The following PTPRT variants were observed in gnomAD, a reference collection of about 807,000 sequenced individuals.
PTPRT encodes the protein receptor-type tyrosine-protein phosphatase T.
In PTPRT, 56 loss-of-function variants were observed where a neutral mutation model predicts 176.8. That is an observed-to-expected ratio of 0.32 (90% CI 0.26 to 0.40). The LOEUF is 0.40. PTPRT is among the 10% of genes least tolerant of loss of function. The pLI is 1.00. For synonymous variants in PTPRT, 783 were observed against 739.0 expected (o/e 1.06, Z -0.96); for missense variants, 1,540 against 1,908.2 (o/e 0.81, Z 3.60).
chr20:42,744,166 C>A (rs2076656080), intron 6 of PTPRT, among the ~76,000 whole-genome samples: 1 of 152,224 alleles, frequency 6.6e-6, no homozygotes, highest in African/African-American at 2.4e-5. Flanking sequence ...ACTCCTAGTG[C>A]AAGACCTACC....
intron 1 of PTPRT, among the ~76,000 whole-genome samples, chr20:43,043,497 T>C (rs1419012021): frequency 1.3e-5 from 2 of 152,208 alleles, no homozygotes; most frequent in Non-Finnish European, 2.9e-5. Flanking sequence ...TCATAATCTT[T>C]GAGGAAGATT....
At chr20:42,071,002 G>A (rs182373266), downstream of PTPRT, among the ~76,000 whole-genome samples, 1 of 152,070 alleles carries the variant, frequency 6.6e-6, no homozygotes, top group Non-Finnish European at 1.5e-5. Flanking sequence ...CATGACCAAG[G>A]ACAAAGTGAC....
At chr20:42,216,180 C>G (rs1260020009) in intron 15 of PTPRT, among the ~76,000 whole-genome samples, 1 of 152,198 alleles carries the variant, frequency 6.6e-6, no homozygotes, top group East Asian at 1.9e-4. Flanking sequence ...CTCCCTCTCA[C>G]CAGCTCACAA....
intron 19 of PTPRT, among the ~76,000 whole-genome samples, chr20:42,126,990 T>C (rs781226342): frequency 9.9e-5 from 15 of 152,158 alleles, no homozygotes; most frequent in African/African-American, 7.2e-5. Flanking sequence ...AGTAGGCCCT[T>C]TGTTAATTAG....
At chr20:42,988,153 G>C (rs1983705763) in intron 1 of PTPRT, among the ~76,000 whole-genome samples, 1 of 152,192 alleles carries the variant, frequency 6.6e-6, no homozygotes, top group South Asian at 2.1e-4. Flanking sequence ...GCCACTGAAG[G>C]CTGTGTGTCC....
At chr20:42,300,329 G>A (rs1041158085) in intron 12 of PTPRT, among the ~76,000 whole-genome samples, 3 of 148,768 alleles carry the variant, frequency 2.0e-5, no homozygotes, top group Non-Finnish European at 4.4e-5. Context: ...CATAGACAAA[G>A]AGCCTAGAAT....
In PTPRT at chr20:42,787,284, C is replaced by T. The variant is rs532211602; in HGVS notation, c.486+3911G>A. Among the ~76,000 whole-genome samples, 6 of 152,204 alleles carry T rather than the reference C, an allele frequency of 3.9e-5. No homozygotes were observed. The South Asian group carries it at 1.0e-3, about 26-fold the overall frequency. On this transcript the variant is annotated intron_variant, in intron 3 of 30. Transcript: ENST00000373187. ...ATGAAATGGATGCTCTTAATTTCAC[C>T]AGGATAATGGGAGTAAACCAGGGTT...
At chr20:43,029,947 A>C (rs1348924659) in intron 1 of PTPRT, among the ~76,000 whole-genome samples, 1 of 152,250 alleles carries the variant, frequency 6.6e-6, no homozygotes, top group African/African-American at 2.4e-5. Flanking sequence ...AGGCCATGTA[A>C]GGTATGGCCA....
Position 42,907,882 on chromosome 20 carries a change from A to T in PTPRT, c.89-21950T>A, listed in dbSNP as rs80198877. On this transcript the variant is annotated intron_variant, in intron 1 of 30. Transcript: ENST00000373187. Reference sequence around the variant, plus strand: ...AAAATGATTTTCCAGGTGCCCCAAAACAGCCCACCAAACAGAAATAAACCA... The same window carrying T: ...AAAATGATTTTCCAGGTGCCCCAAATCAGCCCACCAAACAGAAATAAACCA... 9.4e-4 allele frequency among the ~76,000 whole-genome samples: 142 copies of T among 151,358 alleles called. 1 individual carries two copies. In the East Asian group the frequency reaches 0.018, roughly 19 times the overall value.
chr20:42,380,935 G>A (rs1443492981), intron 9 of PTPRT, among the ~76,000 whole-genome samples: 1 of 152,146 alleles, frequency 6.6e-6, no homozygotes, highest in Non-Finnish European at 1.5e-5. Flanking sequence ...CTTCTGGGGA[G>A]GCCTCAGGAA....
intron 7 of PTPRT, among the ~76,000 whole-genome samples, chr20:42,570,324 T>A (rs929112478): frequency 6.6e-6 from 1 of 152,150 alleles, no homozygotes; most frequent in African/African-American, 2.4e-5. Context: ...AGGATATTCC[T>A]CACTTTAATG....
chr20:42,602,085 C>T (rs2073792951), intron 7 of PTPRT, among the ~76,000 whole-genome samples: 1 of 152,220 alleles, frequency 6.6e-6, no homozygotes, highest in Non-Finnish European at 1.5e-5. Flanking sequence ...ATGTCTTTGC[C>T]ATCCCAATGT....
At chr20:42,441,813 C>G (rs776988303) in intron 9 of PTPRT, among the ~76,000 whole-genome samples, 51 of 152,206 alleles carry the variant, frequency 3.4e-4, no homozygotes, top group Admixed American at 1.8e-3. Flanking sequence ...GAAACAAGAG[C>G]TTTTTTCCTT....
intron 7 of PTPRT, among the ~76,000 whole-genome samples, chr20:42,577,923 C>CTGTGTGTGTGTG (rs777761268): frequency 1.8e-5 from 2 of 111,324 alleles, no homozygotes; most frequent in South Asian, 3.3e-4. Flanking sequence ...CTGAGCGAGG[C>CTGTGTGTGTGTG]TGTGTGTGTG....
chr20:42,666,057 C>T (rs1038581432), intron 7 of PTPRT, among the ~76,000 whole-genome samples: 2 of 151,078 alleles, frequency 1.3e-5, no homozygotes, highest in East Asian at 1.9e-4. Flanking sequence ...CAAACCTGCA[C>T]GTTGTGCACA....
chr20:42,191,832 T>C (rs992545438), intron 16 of PTPRT, among the ~76,000 whole-genome samples: 1 of 152,166 alleles, frequency 6.6e-6, no homozygotes, highest in African/African-American at 2.4e-5. Flanking sequence ...TGAGAAAAGA[T>C]GGAACCAGGT....
At chr20:42,553,987 C>T (rs1348509785) in intron 7 of PTPRT, among the ~76,000 whole-genome samples, 1 of 152,092 alleles carries the variant, frequency 6.6e-6, no homozygotes, top group East Asian at 1.9e-4. Context: ...TAGAAAATGT[C>T]ACCAAGGCCG....
chr20:43,036,459 T>C (rs1220244041), intron 1 of PTPRT, among the ~76,000 whole-genome samples: 1 of 152,172 alleles, frequency 6.6e-6, no homozygotes, highest in African/African-American at 2.4e-5. Flanking sequence ...TTATTCAATT[T>C]TGATGGGAGG....
chr20:42,276,226 G>A (rs2057027302), intron 13 of PTPRT, among the ~76,000 whole-genome samples: 1 of 151,812 alleles, frequency 6.6e-6, no homozygotes, highest in Admixed American at 6.6e-5. Flanking sequence ...TTGCTCTGCA[G>A]GATCTCATCT....
Sources: gnomAD v4.1 joint callset for allele counts (sites outside exome capture counted in the v4.1 genomes callset) on GRCh38, gnomAD v4.1.1 for gene constraint, MANE v1.5 for transcripts, NCBI Gene and HGNC (gene_info 2026-07-23, HGNC 2026-07-21) for gene names.